The following NRCAM variants were observed in gnomAD, a reference collection of about 807,000 sequenced individuals.
NRCAM encodes neuronal cell adhesion molecule, also known as NgCAM-related cell adhesion molecule.
NRCAM carries 83 observed loss-of-function variants against 156.5 expected under a neutral mutation model. The ratio of observed to expected loss-of-function variants is 0.53; its 90% CI spans 0.44 to 0.64. NRCAM has a LOEUF of 0.64. Among genes scored for constraint, NRCAM ranks in the 30% least tolerant of loss-of-function variants. The probability of loss-of-function intolerance (pLI) is 0.00; values close to 1 mark genes in which losing one functional copy is unlikely to be tolerated. For missense variants in NRCAM, 1,417 were observed against 1,597.3 expected, an observed-to-expected ratio of 0.89 and a Z score of 1.92; for synonymous variants, 538 against 563.9, an observed-to-expected ratio of 0.95 and a Z score of 0.65.
At chr7:108,185,289 C>T (rs2065989467) in intron 20 of NRCAM, among the ~76,000 whole-genome samples, 1 of 152,152 alleles carries the variant, frequency 6.6e-6, no homozygotes, top group Admixed American at 6.5e-5. Context: ...TGGGCTCACA[C>T]AAATGGCTCA....
intron 2 of NRCAM, among the ~76,000 whole-genome samples, chr7:108,377,724 A>G (rs1204902635): frequency 1.7e-4 from 26 of 152,194 alleles, no homozygotes; most frequent in Non-Finnish European, 1.6e-4. Flanking sequence ...AGCACTTTAA[A>G]TGCTCAGAAT....
chr7:108,227,546 A>G (rs1217384371), intron 8 of NRCAM, among the ~76,000 whole-genome samples: 1 of 152,204 alleles, frequency 6.6e-6, no homozygotes, highest in Non-Finnish European at 1.5e-5. Context: ...GTGCAATAGT[A>G]TCAGAAGTTA....
intron 20 of NRCAM, among the ~76,000 whole-genome samples, chr7:108,187,734 G>A (rs1002501926): frequency 1.3e-5 from 2 of 152,024 alleles, no homozygotes; most frequent in Non-Finnish European, 2.9e-5. Flanking sequence ...GGTGGATCAC[G>A]AGGTCGGGAG....
intron 1 of NRCAM, among the ~76,000 whole-genome samples, chr7:108,446,298 G>C (rs1844101267): frequency 6.6e-6 from 1 of 152,176 alleles, no homozygotes; most frequent in African/African-American, 2.4e-5. Context: ...AATCTACAGA[G>C]TCCAGGCATG....
intron 2 of NRCAM, among the ~76,000 whole-genome samples, chr7:108,378,002 C>A (rs2099683395): frequency 6.6e-6 from 1 of 152,106 alleles, no homozygotes; most frequent in African/African-American, 2.4e-5. Context: ...AAACTTAAAT[C>A]TTCTACAAAG....
At chr7:108,381,616 A>G (rs1172691793) in intron 2 of NRCAM, among the ~76,000 whole-genome samples, 2 of 148,614 alleles carry the variant, frequency 1.3e-5, no homozygotes, top group Admixed American at 6.8e-5. Context: ...CTAGACTGCA[A>G]TGGTGCGATT....
At chr7:108,245,429 T>C (rs549397159) in intron 3 of NRCAM, among the ~76,000 whole-genome samples, 2 of 152,218 alleles carry the variant, frequency 1.3e-5, no homozygotes, top group South Asian at 2.1e-4. Flanking sequence ...CCAGATTCTA[T>C]GTGAATAGGA....
intron 2 of NRCAM, among the ~76,000 whole-genome samples, chr7:108,368,785 T>C (rs2099610196): frequency 6.6e-6 from 1 of 152,106 alleles, no homozygotes; most frequent in Admixed American, 6.6e-5. Context: ...TTCTGAAAGA[T>C]TCACTCTCCG....
At chr7:108,280,616 A>G (rs2097818743) in intron 3 of NRCAM, among the ~76,000 whole-genome samples, 1 of 152,248 alleles carries the variant, frequency 6.6e-6, no homozygotes, top group South Asian at 2.1e-4. Context: ...TAGAACTCTC[A>G]TATTTAGTTT....
At chr7:108,187,923 C>A (rs187038374) in intron 20 of NRCAM, among the ~76,000 whole-genome samples, 22 of 152,064 alleles carry the variant, frequency 1.4e-4, no homozygotes, top group African/African-American at 5.3e-4. Context: ...CCACTGCACT[C>A]CAGCCTGGGC....
rs1799318751 is a variant in NRCAM at position 108,414,683 on chromosome 7, G to C, written c.-331-15090C>G. ...CCATTTGATACCACTCAGTGTACAG[G>C]GCCCAGAATAAAACAAAAAGTATTC... On this transcript the variant is annotated intron_variant, in intron 1 of 32. Transcript: ENST00000379028. Among the ~76,000 whole-genome samples the C allele has an allele frequency of 1.3e-5, 2 of 152,124 alleles. 1 individual carries two copies. The highest frequency in any genetic ancestry group is 4.2e-4 in the South Asian group (2 of 4,814).
At chr7:108,205,264 A>T (rs1274825804) in intron 13 of NRCAM, among the ~76,000 whole-genome samples, 1 of 152,216 alleles carries the variant, frequency 6.6e-6, no homozygotes, top group African/African-American at 2.4e-5. Flanking sequence ...ATCACCAGAC[A>T]TGAAATCTGC....
chr7:108,200,791 A>T (rs1442345527), intron 13 of NRCAM, among the ~76,000 whole-genome samples: 1 of 150,096 alleles, frequency 6.7e-6, no homozygotes, highest in Admixed American at 6.7e-5. Flanking sequence ...CACACTATGA[A>T]ATACTACTCA....
chr7:108,232,469 A>G lies in NRCAM; in HGVS notation c.284T>C (p.Val95Ala). 6.2e-7 allele frequency: 1 copy of G among 1,613,440 alleles called. No homozygotes were observed. The part of the protein sequence containing the change: ...THFDIDKDPL[V>A]TMKPGTGTLI... ...CGTTCCTGTGCCAGGCTTCATGGTG[A>G]CCAGAGGGTCTTTATCGATGTCAAA... The change falls in exon 7 of 33, where the codon GTC becomes GCC. Residue 95 changes from valine to alanine, a missense_variant. This residue lies in a region of NRCAM where 1,238 missense variants were observed against 1,336.4 expected (regional missense o/e 0.93). Transcript: ENST00000379028.
rs117233208 is a variant in NRCAM at position 108,360,068 on chromosome 7, G to A, written c.-174+39368C>T. Among the ~76,000 whole-genome samples the A allele has an allele frequency of 4.4e-4, 67 of 152,256 alleles. No homozygotes were observed. In the East Asian group the frequency reaches 0.012, roughly 27 times the overall value. The stretch of plus-strand genomic sequence containing the variant: ...AATAATATGATTATAACTGTACTTT[G>A]GATGATTAATCTGCTCTATTGTATG... On this transcript the variant is annotated intron_variant, in intron 2 of 32. Transcript: ENST00000379028.
intron 21 of NRCAM, 40 bp from the exon 22 acceptor site, chr7:108,184,351 T>TG (rs1371102620): frequency 6.2e-7 from 1 of 1,613,604 alleles, no homozygotes; most frequent in East Asian, 2.2e-5. Context: ...GCTTTGGCCT[T>TG]TTGCGAAGAG....
intron 4 of NRCAM, among the ~76,000 whole-genome samples, chr7:108,239,358 T>C (rs1365453976): frequency 2.0e-5 from 3 of 152,204 alleles, no homozygotes; most frequent in Admixed American, 6.5e-5. Context: ...AATAAGACTA[T>C]TTGTTAGGCT....
At chr7:108,312,443 G>A (rs2098815084) in intron 3 of NRCAM, among the ~76,000 whole-genome samples, 1 of 152,032 alleles carries the variant, frequency 6.6e-6, no homozygotes, top group South Asian at 2.1e-4. Context: ...TACTATGAAA[G>A]GACATGAGGG....
intron 2 of NRCAM, among the ~76,000 whole-genome samples, chr7:108,327,997 A>G (rs1213301943): frequency 2.0e-5 from 3 of 152,232 alleles, no homozygotes; most frequent in Admixed American, 1.3e-4. Context: ...ACTATTAAAA[A>G]CAAATATCCA....
Sources: allele counts gnomAD v4.1 joint callset (sites outside exome capture counted in the v4.1 genomes callset), GRCh38; gene constraint gnomAD v4.1.1; regional missense constraint gnomAD v4.1.1; transcripts MANE v1.5; gene names NCBI Gene and HGNC (gene_info 2026-07-23, HGNC 2026-07-21).